DENND1A: variants seen among roughly 807,000 people sequenced by gnomAD.
DENND1A encodes the protein DENN domain containing 1A.
Under a neutral mutation model 113.7 loss-of-function variants are expected in DENND1A, and 51 were observed. That is an observed-to-expected ratio of 0.45 (90% CI 0.36 to 0.57). The LOEUF is 0.57. DENND1A is among the 20% of genes least tolerant of loss of function. The pLI, the probability that DENND1A is intolerant of heterozygous loss-of-function variation, is 0.00. For synonymous variants in DENND1A, 565 were observed against 570.8 expected, an observed-to-expected ratio of 0.99 and a Z score of 0.14; for missense variants, 1,258 against 1,395.9, an observed-to-expected ratio of 0.90 and a Z score of 1.57.
chr9:123,632,131 A>G (rs1171006360), intron 9 of DENND1A, among the ~76,000 whole-genome samples: 1 of 152,070 alleles, frequency 6.6e-6, no homozygotes, highest in East Asian at 1.9e-4. Flanking sequence ...TTTAAATTGG[A>G]TATTCTGCTG....
At chr9:123,690,291 T>G (rs2140376358) in intron 5 of DENND1A, among the ~76,000 whole-genome samples, 1 of 152,352 alleles carries the variant, frequency 6.6e-6, no homozygotes, top group African/African-American at 2.4e-5. Flanking sequence ...GAAAATCTTT[T>G]TCTTCTGCAT....
chr9:123,401,511 G>A (rs1237789898), intron 21 of DENND1A: 17 of 1,260,438 alleles, frequency 1.3e-5, no homozygotes, highest in East Asian at 3.7e-5. Flanking sequence ...TTGTGGGCCC[G>A]AGCCACTGTG....
intron 1 of DENND1A, among the ~76,000 whole-genome samples, chr9:123,886,133 A>G (rs540420177): frequency 6.6e-6 from 1 of 152,250 alleles, no homozygotes; most frequent in South Asian, 2.1e-4. Context: ...TGAAATAGAC[A>G]AAGGCTTTGA....
chr9:123,900,612 G>A (rs915520290), intron 1 of DENND1A, among the ~76,000 whole-genome samples: 5 of 152,190 alleles, frequency 3.3e-5, no homozygotes, highest in East Asian at 1.9e-4. Flanking sequence ...ATGAGGCTGC[G>A]GTCAGACTAG....
chr9:123,577,345 T>G (rs2058686330), intron 12 of DENND1A, among the ~76,000 whole-genome samples: 1 of 152,212 alleles, frequency 6.6e-6, no homozygotes, highest in Non-Finnish European at 1.5e-5. Context: ...TATCTTCCAT[T>G]TCTCCCTTCA....
intron 13 of DENND1A, among the ~76,000 whole-genome samples, chr9:123,498,774 G>A (rs1355285160): frequency 1.3e-5 from 2 of 151,770 alleles, no homozygotes; most frequent in Non-Finnish European, 1.5e-5. Context: ...CCAAGCTGGA[G>A]TACAGTGGCG....
chr9:123,670,300 A>G (rs1007542217), intron 7 of DENND1A, among the ~76,000 whole-genome samples: 1 of 152,214 alleles, frequency 6.6e-6, no homozygotes, highest in Admixed American at 6.5e-5. Flanking sequence ...GCCCCATGAC[A>G]TAAGGGAAAT....
chr9:123,851,033 C>T (rs917063584), intron 2 of DENND1A, among the ~76,000 whole-genome samples: 1 of 152,010 alleles, frequency 6.6e-6, no homozygotes, highest in South Asian at 2.1e-4. Flanking sequence ...ACGTCTTCAA[C>T]ACAAGAATGA....
intron 11 of DENND1A, among the ~76,000 whole-genome samples, chr9:123,597,699 T>C (rs1214639147): frequency 6.6e-6 from 1 of 152,190 alleles, no homozygotes; most frequent in East Asian, 1.9e-4. Context: ...CAATAGGTAA[T>C]ATTTTGCTGA....
chr9:123,815,120 T>C (rs1837236245), intron 2 of DENND1A, among the ~76,000 whole-genome samples: 1 of 152,170 alleles, frequency 6.6e-6, no homozygotes. Flanking sequence ...TTACTCAAAC[T>C]GTGGGTGGAA....
chr9:123,755,121 A>AT (rs59565749), intron 5 of DENND1A, among the ~76,000 whole-genome samples: 5,022 of 132,800 alleles, frequency 0.038, 125 homozygotes, highest in East Asian at 0.052. Flanking sequence ...TTATACACAG[A>AT]TTTTTTTTTT....
intron 13 of DENND1A, among the ~76,000 whole-genome samples, chr9:123,532,018 A>G (rs1312361748): frequency 1.3e-5 from 2 of 152,204 alleles, no homozygotes; most frequent in Non-Finnish European, 2.9e-5. Flanking sequence ...AAGGGTGTGC[A>G]TGTGTGTTCT....
intron 19 of DENND1A, among the ~76,000 whole-genome samples, chr9:123,416,701 G>A (rs1387800084): frequency 3.3e-5 from 5 of 152,216 alleles, no homozygotes; most frequent in Admixed American, 6.5e-5. Context: ...CCGGCGAAGC[G>A]GGGAGAAGGC....
chr9:123,628,164 C>T (rs375800192), intron 10 of DENND1A, among the ~76,000 whole-genome samples: 3 of 151,770 alleles, frequency 2.0e-5, no homozygotes, highest in African/African-American at 7.3e-5. Context: ...CTATAGATGG[C>T]AAAACAGTGC....
chr9:123,919,463 C>A (rs989124874), intron 1 of DENND1A, among the ~76,000 whole-genome samples: 11 of 150,626 alleles, frequency 7.3e-5, no homozygotes, highest in African/African-American at 2.7e-4. Context: ...CAAAGTACAA[C>A]TTCAACTAAA....
At chr9:123,612,926 T>C (rs192252045) in intron 10 of DENND1A, among the ~76,000 whole-genome samples, 1 of 152,324 alleles carries the variant, frequency 6.6e-6, no homozygotes, top group Non-Finnish European at 1.5e-5. Flanking sequence ...TCTGAGCCCC[T>C]GGCATGGCTG....
intron 22 of DENND1A, among the ~76,000 whole-genome samples, chr9:123,385,484 C>G (rs1171147260): frequency 6.6e-5 from 10 of 152,308 alleles, no homozygotes; most frequent in African/African-American, 2.4e-4. Flanking sequence ...CTTCTAACCC[C>G]AAGTCTGGGG....
intron 5 of DENND1A, among the ~76,000 whole-genome samples, chr9:123,756,029 G>C (rs1398427897): frequency 6.6e-6 from 1 of 152,162 alleles, no homozygotes; most frequent in African/African-American, 2.4e-5. Flanking sequence ...TCCTGCCTCA[G>C]CCTCCCAAGT....
At chr9:123,771,717 TAATGTCAAGAGTAATAACCAACCTTG>T in intron 3 of DENND1A, among the ~76,000 whole-genome samples, 1 of 152,330 alleles carries the variant, frequency 6.6e-6, no homozygotes, top group East Asian at 1.9e-4. Flanking sequence ...TACCACTCTC[TAATGTCAAGAGTAATAACCAACCTTG>T]AACTTGTCTG....
Sources: allele counts gnomAD v4.1 joint callset (sites outside exome capture counted in the v4.1 genomes callset), GRCh38; gene constraint gnomAD v4.1.1; transcripts MANE v1.5; gene names NCBI Gene and HGNC (gene_info 2026-07-23, HGNC 2026-07-21).